CDH13: variants seen among roughly 807,000 people sequenced by gnomAD.
The protein encoded by CDH13 is cadherin-13.
A neutral mutation model predicts 63.8 loss-of-function variants in CDH13; 24 were observed. The ratio of observed to expected loss-of-function variants is 0.38; its 90% CI spans 0.27 to 0.53. The LOEUF is 0.53. Ranked by LOEUF, CDH13 falls within the 20% of genes least tolerant of loss-of-function variation. The pLI, the probability that CDH13 is intolerant of heterozygous loss-of-function variation, is 0.85. For synonymous variants in CDH13, 503 were observed against 355.3 expected (o/e 1.42, Z -4.67); for missense variants, 1,049 against 903.1 (o/e 1.16, Z -2.07).
intron 2 of CDH13, among the ~76,000 whole-genome samples, chr16:82,973,004 A>G (rs1908989506): frequency 6.6e-6 from 1 of 152,198 alleles, no homozygotes; most frequent in Non-Finnish European, 1.5e-5. Context: ...TCGACCCAGA[A>G]CAATGTCAGT....
intron 10 of CDH13, among the ~76,000 whole-genome samples, chr16:83,679,790 C>T (rs1192117109): frequency 1.3e-5 from 2 of 152,140 alleles, no homozygotes; most frequent in Admixed American, 6.5e-5. Context: ...TCTTGTATTT[C>T]TACAATTGGA....
rs1256033126 is a variant in CDH13, at chr16:83,799,131, G to A, written c.*4101G>A. The A allele has an allele frequency of 6.8e-6, 1 of 147,232 alleles. No homozygotes were observed. Among genetic ancestry groups the A allele is most frequent in the African/African-American group, 2.5e-5 (1 of 40,486 alleles). 9.1% of individuals were successfully genotyped at this position (147,232 alleles called of 1,614,324 possible). On this transcript the variant is annotated 3_prime_UTR_variant, in exon 14 of 14. Transcript: ENST00000567109. ...GTTCAAGACCAGCCTGGCCAGCATG[G>A]TGAAACCCTATCTCTACTAAAAAAT... is the stretch of plus-strand genomic sequence containing the variant.
At chr16:82,643,265 A>G (rs1174155085) in intron 1 of CDH13, among the ~76,000 whole-genome samples, 1 of 152,244 alleles carries the variant, frequency 6.6e-6, no homozygotes, top group Non-Finnish European at 1.5e-5. Context: ...AACCTTGGGC[A>G]GGTCAGCCTC....
chr16:83,447,096 CTTTTTTTTTTTTTTTTTTT>C (rs750432481), intron 6 of CDH13, among the ~76,000 whole-genome samples: 1 of 41,526 alleles, frequency 2.4e-5, no homozygotes, highest in Non-Finnish European at 4.7e-5. Flanking sequence ...TTATAGTAAC[CTTTTTTTTTTTTTTTTTTT>C]TTTTTTTTTT....
chr16:83,241,898 G>A (rs1279706055), intron 5 of CDH13, among the ~76,000 whole-genome samples: 2 of 152,132 alleles, frequency 1.3e-5, no homozygotes, highest in East Asian at 1.9e-4. Context: ...TCATATATAA[G>A]AAATCATTGT....
intron 3 of CDH13, among the ~76,000 whole-genome samples, chr16:83,045,696 C>T (rs1012577879): frequency 6.8e-6 from 1 of 147,486 alleles, no homozygotes. Flanking sequence ...AAAACATCTC[C>T]AATGATGAGA....
chr16:83,695,078 G>A (rs542597782), intron 10 of CDH13, among the ~76,000 whole-genome samples: 51 of 152,084 alleles, frequency 3.4e-4, no homozygotes, highest in South Asian at 2.1e-3. Context: ...GTGGTGGCGC[G>A]TGCCCATAGT....
Position 82,682,791 on chromosome 16 carries a change from A to G in CDH13, c.45+55654A>G, listed in dbSNP as rs568895360. 5.9e-5 allele frequency among the ~76,000 whole-genome samples: 9 copies of G among 152,336 alleles called. No homozygotes were observed. The East Asian group carries it at 1.7e-3, about 29-fold the overall frequency. ...AAAATATTGGAAAGATCTTCTGAGA[A>G]GGCCTAGCCCTCTGCTCTTGTAATT... On this transcript the variant is annotated intron_variant, in intron 1 of 13. Transcript: ENST00000567109.
At chr16:83,404,692 G>A (rs914468932) in intron 6 of CDH13, among the ~76,000 whole-genome samples, 2 of 152,082 alleles carry the variant, frequency 1.3e-5, no homozygotes, top group African/African-American at 4.8e-5. Flanking sequence ...AATCTTCCTC[G>A]GTACCCTTCC....
intron 3 of CDH13, among the ~76,000 whole-genome samples, chr16:83,042,311 T>C (rs1299493949): frequency 6.6e-6 from 1 of 152,202 alleles, no homozygotes; most frequent in South Asian, 2.1e-4. Flanking sequence ...CACTGCCTGC[T>C]GTCAGATCAG....
At chr16:83,344,310 T>C (rs2090790511) in intron 5 of CDH13, among the ~76,000 whole-genome samples, 1 of 152,188 alleles carries the variant, frequency 6.6e-6, no homozygotes, top group South Asian at 2.1e-4. Flanking sequence ...TGTGAAATCC[T>C]CCGAAATTGT....
At chr16:83,169,493 A>G (rs1232077507) in intron 4 of CDH13, among the ~76,000 whole-genome samples, 1 of 151,848 alleles carries the variant, frequency 6.6e-6, no homozygotes, top group Non-Finnish European at 1.5e-5. Flanking sequence ...TAAATGGGCC[A>G]CTTTGATTGA....
intron 6 of CDH13, among the ~76,000 whole-genome samples, chr16:83,437,936 G>C (rs922404276): frequency 1.1e-4 from 17 of 152,186 alleles, no homozygotes; most frequent in Non-Finnish European, 2.4e-4. Context: ...GCTTCCTCAA[G>C]ATCTCTTCCA....
At chr16:83,041,473 A>T (rs952035739) in intron 3 of CDH13, among the ~76,000 whole-genome samples, 3 of 152,088 alleles carry the variant, frequency 2.0e-5, no homozygotes, top group African/African-American at 7.2e-5. Context: ...TAATTTTTTT[A>T]ATAAAAATAT....
chr16:83,120,506 T>C (rs887516231), intron 3 of CDH13, among the ~76,000 whole-genome samples: 5 of 152,232 alleles, frequency 3.3e-5, no homozygotes, highest in African/African-American at 1.2e-4. Context: ...CATCATGAAC[T>C]GAGGCCTATG....
Position 83,018,999 on chromosome 16 carries a change from A to T in CDH13, c.158-13011A>T, listed in dbSNP as rs150921756. On this transcript the variant is annotated intron_variant, in intron 2 of 13. Coordinates refer to ENST00000567109, the MANE Select transcript of CDH13 (RefSeq NM_001257.5). The stretch of plus-strand genomic sequence containing the variant: ...TGGTGAGTGAATGTGAAGGCCTAGG[A>T]CATTACTGTGCAGGACTATAGACTT... Among the ~76,000 whole-genome samples the T allele has an allele frequency of 2.4e-3, 362 of 152,332 alleles. 5 individuals carry two copies. The highest frequency in any genetic ancestry group is 8.5e-3 in the African/African-American group (353 of 41,590).
intron 8 of CDH13, among the ~76,000 whole-genome samples, chr16:83,617,338 G>A (rs1909369418): frequency 6.6e-6 from 1 of 151,998 alleles, no homozygotes; most frequent in South Asian, 2.1e-4. Context: ...ATTATATGCT[G>A]CGTATAAGTA....
chr16:82,700,247 G>C (rs1410251754), intron 1 of CDH13, among the ~76,000 whole-genome samples: 3 of 152,194 alleles, frequency 2.0e-5, no homozygotes, highest in Admixed American at 6.5e-5. Flanking sequence ...GAAGGGTTTA[G>C]AATGTGCAGC....
At chr16:82,984,130 A>G (rs1910642338) in intron 2 of CDH13, among the ~76,000 whole-genome samples, 1 of 152,322 alleles carries the variant, frequency 6.6e-6, no homozygotes, top group Middle Eastern at 3.4e-3. Context: ...CACACCCCAA[A>G]TATTCTAAAT....
Sources: allele counts gnomAD v4.1 joint callset (sites outside exome capture counted in the v4.1 genomes callset), GRCh38; gene constraint gnomAD v4.1.1; transcripts MANE v1.5; gene names NCBI Gene and HGNC (gene_info 2026-07-23, HGNC 2026-07-21).